PHKA2: variants seen among roughly 807,000 people sequenced by gnomAD.
PHKA2 encodes the protein phosphorylase b kinase regulatory subunit alpha, liver isoform.
PHKA2 carries 31 observed loss-of-function variants against 102.0 expected under a neutral mutation model. The ratio of observed to expected loss-of-function variants is 0.30; its 90% CI spans 0.23 to 0.41. The LOEUF (loss-of-function observed/expected upper bound fraction) is 0.41. PHKA2 is among the 10% of genes least tolerant of loss of function. The probability of loss-of-function intolerance (pLI) is 1.00; values close to 1 mark genes in which losing one functional copy is unlikely to be tolerated. For synonymous variants in PHKA2, 455 were observed against 416.2 expected, an observed-to-expected ratio of 1.09 and a Z score of -1.13; for missense variants, 858 against 1,023.1, an observed-to-expected ratio of 0.84 and a Z score of 2.20.
chrX:18,915,701 A>G (rs1275382625), intron 19 of PHKA2, among the ~76,000 whole-genome samples: 1 of 110,937 alleles, frequency 9.0e-6, no homozygotes, highest in African/African-American at 3.3e-5. Flanking sequence ...GTAAACGTGA[A>G]ACAAAAACAG....
intron 10 of PHKA2, 31 bp from the exon 11 acceptor site, chrX:18,936,181 AAGG>A: frequency 9.9e-7 from 1 of 1,009,457 alleles, no homozygotes. Context: ...CCATGGCAGG[AAGG>A]AGGTCTGGTC....
At chrX:18,913,569 C>A (rs1178146110) in intron 19 of PHKA2, among the ~76,000 whole-genome samples, 1 of 109,508 alleles carries the variant, frequency 9.1e-6, no homozygotes, top group Non-Finnish European at 1.9e-5. Flanking sequence ...CCACGCCCAG[C>A]TAATTTTTGT....
At chrX:18,939,078 G>A (rs769984033) in intron 9 of PHKA2, among the ~76,000 whole-genome samples, 36 of 112,718 alleles carry the variant, frequency 3.2e-4, no homozygotes, top group Admixed American at 1.2e-3. Context: ...AAAGAAACCC[G>A]AGGAGGAGGC....
Position 18,945,096 on chromosome X carries a change from G to A in PHKA2, c.600C>T (p.Ser200=), listed in dbSNP as rs774570629. ...TNQGIPELNA[S]SVGMAKAALE... is the part of the protein sequence containing the mutation. ...CTGTCACCTTGGCCATTCCTACGGA[G>A]CTTGCATTCAATTCCGGGATGCCCT... Residue 200 remains serine, a synonymous_variant, in exon 6 of 33, where the codon AGC becomes AGT. Transcript: ENST00000379942. 1.7e-6 allele frequency: 2 copies of A among 1,193,552 alleles called. No individual in the cohort carries two copies. The highest frequency in any genetic ancestry group is 4.3e-5 in the Admixed American group (2 of 46,050).
At chrX:18,928,616 C>T (rs1419021183) in intron 13 of PHKA2, among the ~76,000 whole-genome samples, 2 of 112,285 alleles carry the variant, frequency 1.8e-5, no homozygotes, top group African/African-American at 3.2e-5. Context: ...GAGAACTGCT[C>T]CACCCGGGTG....
chrX:18,973,954 T>TCCC (rs1413624000), intron 1 of PHKA2, among the ~76,000 whole-genome samples: 2 of 111,078 alleles, frequency 1.8e-5, no homozygotes, highest in Non-Finnish European at 3.8e-5. Context: ...CAATAACTCC[T>TCCC]CCCCATCCTC....
chrX:18,963,024 C>A (rs773930422), intron 1 of PHKA2, among the ~76,000 whole-genome samples: 1 of 112,844 alleles, frequency 8.9e-6, no homozygotes, highest in Non-Finnish European at 1.9e-5. Flanking sequence ...TTCAATTTTT[C>A]CCTTTACTGA....
intron 8 of PHKA2, among the ~76,000 whole-genome samples, 180 bp from the exon 9 acceptor site, chrX:18,940,228 T>C (rs913677485): frequency 1.8e-5 from 2 of 112,145 alleles, no homozygotes; most frequent in Admixed American, 9.4e-5. Context: ...TCAGGTTTGA[T>C]CGGTACTTGG....
In PHKA2 at chrX:18,912,523, T is replaced by C. The variant is rs112770192; in HGVS notation, c.2138-1563A>G. On this transcript the variant is annotated intron_variant, in intron 19 of 32. Transcript: ENST00000379942. ...GGCTCATGCCTGTAATCCCAGCACT[T>C]TGGGAGGCTGAGGTGAGAGGATTTC... 5.2e-3 allele frequency among the ~76,000 whole-genome samples: 573 copies of C among 109,966 alleles called. 6 individuals are homozygous for C. Among genetic ancestry groups the C allele is most frequent in the African/African-American group, 0.018 (537 of 30,200 alleles).
In PHKA2 at chrX:18,926,529, G is replaced by T. The variant is rs776224815; in HGVS notation, c.1383C>A (p.Asn461Lys). The T allele has an allele frequency of 4.2e-6, 5 of 1,199,803 alleles. No homozygotes were observed. Among genetic ancestry groups the T allele is most frequent in the Non-Finnish European group, 5.7e-6 (5 of 884,372 alleles). Reference sequence around the variant, plus strand: ...GATGAATGTCCGCGATACTCTGGACGTTCACCCCGTGTTTCCTCAATAAGT... The same window carrying T: ...GATGAATGTCCGCGATACTCTGGACTTTCACCCCGTGTTTCCTCAATAAGT... ...IKDLLRKHGV[N>K]VQSIADIHPI... The change falls in exon 14 of 33, where the codon AAC becomes AAA. Residue 461 changes from asparagine to lysine, a missense_variant. By Grantham distance (94) the Asn-to-Lys change is moderately conservative. Transcript: ENST00000379942.
chrX:18,896,198 C>T (rs768804659), intron 30 of PHKA2: 5 of 112,312 alleles, frequency 4.5e-5, no homozygotes, highest in Non-Finnish European at 7.5e-5. Flanking sequence ...TCTTGGTTTG[C>T]ACAGCTTTTA....
chrX:18,904,251 A>G lies in PHKA2; in HGVS notation c.2908+1507T>C, dbSNP rs753542000. Reference sequence around the variant, plus strand: ...GAAGGAGAAGGGTCTGGAAGCTACAAGAGGGGCTGTCTGGGGTGGGTGTTC... The same window carrying G: ...GAAGGAGAAGGGTCTGGAAGCTACAGGAGGGGCTGTCTGGGGTGGGTGTTC... On this transcript the variant is annotated intron_variant, in intron 26 of 32. Coordinates refer to ENST00000379942, the MANE Select transcript of PHKA2 (RefSeq NM_000292.3). Among the ~76,000 whole-genome samples the G allele has an allele frequency of 2.7e-5, 3 of 112,070 alleles. No individual in the cohort carries two copies. In the South Asian group the frequency reaches 1.1e-3, roughly 42 times the overall value.
At chrX:18,948,457 G>A (rs756833151) in intron 5 of PHKA2, among the ~76,000 whole-genome samples, 1 of 112,100 alleles carries the variant, frequency 8.9e-6, no homozygotes, top group Non-Finnish European at 1.9e-5. Flanking sequence ...CAGGGTGACA[G>A]AGCGAGACTC....
In PHKA2 at chrX:18,894,408, C is replaced by A. The variant is rs749043832; in HGVS notation, c.3337-4G>T. ...ACTTGATCTCATGCGGGGTCATCTA[C>A]CAAAGGGACAGGCAGGCAACCACCA... On this transcript the variant is annotated splice_region_variant and splice_polypyrimidine_tract_variant and intron_variant, in intron 31 of 32. Coordinates refer to ENST00000379942, the MANE Select transcript of PHKA2 (RefSeq NM_000292.3). 9 of 1,204,358 alleles carry A rather than the reference C, an allele frequency of 7.5e-6. No individual in the cohort carries two copies. The highest frequency in any genetic ancestry group is 3.0e-5 in the East Asian group (1 of 33,746).
Position 18,983,866 on chromosome X carries a change from G to A in PHKA2, c.67C>T (p.Leu23=). Residue 23 remains leucine, a synonymous_variant, in exon 1 of 33, where the codon CTG becomes TTG. Coordinates refer to ENST00000379942, the MANE Select transcript of PHKA2 (RefSeq NM_000292.3). ...GYARLVQQTI[L]CYQNPVTGLL... ...CGGTCCCTCCTTACCTGGTAACACA[G>A]GATGGTTTGCTGCACCAGCCGCGCG... 1 of 1,210,538 alleles carries A rather than the reference G, an allele frequency of 8.3e-7. No homozygotes were observed. Among genetic ancestry groups the A allele is most frequent in the Non-Finnish European group, 1.1e-6 (1 of 893,944 alleles).
intron 26 of PHKA2, among the ~76,000 whole-genome samples, chrX:18,902,400 G>T (rs2047706081): frequency 9.1e-6 from 1 of 109,712 alleles, no homozygotes; most frequent in African/African-American, 3.3e-5. Flanking sequence ...GCCTCCCAAA[G>T]TGCTGGGATT....
At chrX:18,918,102 G>A (rs997742517) in intron 19 of PHKA2, among the ~76,000 whole-genome samples, 1 of 111,223 alleles carries the variant, frequency 9.0e-6, no homozygotes, top group Non-Finnish European at 1.9e-5. Flanking sequence ...ACAGATAGAA[G>A]GAGACTCGTG....
At chrX:18,921,132 A>G (rs2043819941) in intron 17 of PHKA2, among the ~76,000 whole-genome samples, 1 of 111,289 alleles carries the variant, frequency 9.0e-6, no homozygotes, top group Non-Finnish European at 1.9e-5. Flanking sequence ...CAGCTTTTAA[A>G]AAACCCTCAG....
intron 4 of PHKA2, among the ~76,000 whole-genome samples, chrX:18,949,094 G>A (rs946231577): frequency 9.0e-6 from 1 of 111,426 alleles, no homozygotes; most frequent in South Asian, 3.8e-4. Context: ...AGGGATGAGA[G>A]AGATTTGGGA....
Sources: gnomAD v4.1 joint callset for allele counts (sites outside exome capture counted in the v4.1 genomes callset) on GRCh38, gnomAD v4.1.1 for gene constraint, MANE v1.5 for transcripts, NCBI Gene and HGNC (gene_info 2026-07-23, HGNC 2026-07-21) for gene names.